Variants in NCR1 observed in about 807,000 individuals in gnomAD.
The protein encoded by NCR1 is natural cytotoxicity triggering receptor 1.
Under a neutral mutation model 32.5 loss-of-function variants are expected in NCR1, and 30 were observed. The ratio of observed to expected loss-of-function variants is 0.92; its 90% confidence interval spans 0.69 to 1.25. NCR1 has a LOEUF of 1.25. Ranked by LOEUF, NCR1 falls within the 50% of genes most tolerant of loss-of-function variation. NCR1 has a pLI of 0.00. For missense variants in NCR1, 369 were observed against 380.7 expected (o/e 0.97, Z 0.26); for synonymous variants, 169 against 143.4 (o/e 1.18, Z -1.28).
At chr19:54,920,328 A>C (rs572662302), downstream of NCR1, among the ~76,000 whole-genome samples, 3 of 152,292 alleles carry the variant, frequency 2.0e-5, no homozygotes, top group South Asian at 6.2e-4. Flanking sequence ...GGGCAGGCTC[A>C]GGCTCATCCA....
At chr19:54,907,865 T>C (rs947847352) in intron 3 of NCR1, among the ~76,000 whole-genome samples, 9 of 152,372 alleles carry the variant, frequency 5.9e-5, no homozygotes, top group African/African-American at 2.2e-4. Context: ...TTCTATATTC[T>C]GTGTCATATA....
downstream of NCR1, among the ~76,000 whole-genome samples, chr19:54,913,974 A>T (rs1464985708): frequency 6.6e-6 from 1 of 151,648 alleles, no homozygotes; most frequent in Non-Finnish European, 1.5e-5. Context: ...AGGCTGAGGC[A>T]GGAGAATAGC....
In NCR1 at chr19:54,912,824, G is replaced by A. The variant is rs771794035; in HGVS notation, c.868G>A (p.Ala290Thr). 34 of 1,613,532 alleles carry A rather than the reference G, an allele frequency of 2.1e-5. 1 individual carries two copies. In the South Asian group the frequency reaches 3.5e-4, roughly 17 times the overall value. ...RKRTRERASR[A>T]STWEGRRRLN... ...GAGGACTAGAGAGCGAGCCAGCAGAGCTTCCACTTGGGAAGGCAGGAGAAG... is the reference window on the plus strand; with the variant it reads ...GAGGACTAGAGAGCGAGCCAGCAGAACTTCCACTTGGGAAGGCAGGAGAAG... Residue 290 changes from alanine (A) to threonine (T), a missense_variant, in exon 7 of 7, where the codon GCT (alanine) becomes ACT (threonine). By Grantham distance (58) the Ala-to-Thr change is moderately conservative. Coordinates refer to ENST00000291890, the MANE Select transcript of NCR1 (RefSeq NM_004829.7).
chr19:54,924,861 T>C, the NCR1 span, among the ~76,000 whole-genome samples: 1 of 152,104 alleles, frequency 6.6e-6, no homozygotes, highest in South Asian at 2.1e-4. Flanking sequence ...GCTTTGAACC[T>C]GGGAGGCAGA....
chr19:54,907,485 C>CT (rs34400827), intron 3 of NCR1, among the ~76,000 whole-genome samples: 2,822 of 137,002 alleles, frequency 0.021, 55 homozygotes, highest in South Asian at 0.068. Flanking sequence ...AAAAAATTAG[C>CT]TTTTTTTTTT....
At chr19:54,934,706 A>T in the NCR1 span, 1 of 1,478,438 alleles carries the variant, frequency 6.8e-7, no homozygotes, top group Non-Finnish European at 9.2e-7. This position sits in a 1 kb window ranked among gnomAD's most constrained non-coding sequence, Gnocchi z 6.7. Flanking sequence ...GACAGAGTAT[A>T]CCCTATCAGC....
At chr19:54,928,271 A>G in the NCR1 span, among the ~76,000 whole-genome samples, 84,372 of 151,972 alleles carry the variant, frequency 0.56, 23,674 homozygotes, top group East Asian at 0.72. Context: ...GTATGGTGGA[A>G]CCACCTATAA....
chr19:54,930,356 G>A, the NCR1 span: 1 of 664,414 alleles, frequency 1.5e-6, no homozygotes, highest in Non-Finnish European at 2.7e-6. Context: ...CAGCTACTCA[G>A]GAGGCTGAGG....
At chr19:54,901,775 C>G (rs2067306605), upstream of NCR1, among the ~76,000 whole-genome samples, 1 of 152,072 alleles carries the variant, frequency 6.6e-6, no homozygotes, top group Admixed American at 6.6e-5. Flanking sequence ...CAAAACCAGC[C>G]TGGCCAACTT....
chr19:54,934,492 A>G, the NCR1 span: 1 of 1,614,138 alleles, frequency 6.2e-7, no homozygotes, highest in Non-Finnish European at 8.5e-7. This position sits in a 1 kb window ranked among gnomAD's most constrained non-coding sequence, Gnocchi z 6.7. Context: ...GACTTACGAC[A>G]ACATCTGCAG....
chr19:54,916,171 G>A (rs1250361946), downstream of NCR1: 3 of 151,872 alleles, frequency 2.0e-5, no homozygotes, highest in East Asian at 1.9e-4. Flanking sequence ...TTCTTTGTTC[G>A]AAACACCAAG....
chr19:54,933,034 A>G, the NCR1 span, among the ~76,000 whole-genome samples: 1 of 152,170 alleles, frequency 6.6e-6, no homozygotes. Flanking sequence ...ACACACACAA[A>G]GCATCAGATC....
the NCR1 span, among the ~76,000 whole-genome samples, chr19:54,931,963 C>G: frequency 6.6e-6 from 1 of 152,050 alleles, no homozygotes; most frequent in Non-Finnish European, 1.5e-5. Flanking sequence ...AGCCCTGGGT[C>G]ACTTATTTTC....
the NCR1 span, among the ~76,000 whole-genome samples, chr19:54,926,308 T>C: frequency 6.6e-6 from 1 of 152,076 alleles, no homozygotes; most frequent in Non-Finnish European, 1.5e-5. Flanking sequence ...GGACTAAGTG[T>C]TTTGGGGGAA....
chr19:54,932,129 TAAC>T, the NCR1 span, among the ~76,000 whole-genome samples: 1 of 152,116 alleles, frequency 6.6e-6, no homozygotes, highest in Non-Finnish European at 1.5e-5. Context: ...ACTGTTTGTT[TAAC>T]AATAGTTATT....
At chr19:54,901,023 G>A in the NCR1 span, among the ~76,000 whole-genome samples, 3 of 150,010 alleles carry the variant, frequency 2.0e-5, no homozygotes, top group Admixed American at 6.7e-5. Context: ...GGTGGCTCAC[G>A]CCTGTAATCC....
chr19:54,915,060 A>G (rs1018153146), downstream of NCR1, among the ~76,000 whole-genome samples: 2 of 151,948 alleles, frequency 1.3e-5, no homozygotes, highest in African/African-American at 2.4e-5. Flanking sequence ...CACTTTCCTC[A>G]TCCCAAAGCA....
chr19:54,919,836 G>T (rs547927446), downstream of NCR1, among the ~76,000 whole-genome samples: 2 of 151,894 alleles, frequency 1.3e-5, no homozygotes, highest in Non-Finnish European at 2.9e-5. Flanking sequence ...AGACGCTGGC[G>T]TCACCGCTAG....
chr19:54,932,678 C>T, the NCR1 span, among the ~76,000 whole-genome samples: 3 of 151,816 alleles, frequency 2.0e-5, no homozygotes, highest in South Asian at 2.1e-4. Context: ...TTTCTTGAGA[C>T]GGAGTCTCAC....
Sources: allele counts gnomAD v4.1 joint callset (sites outside exome capture counted in the v4.1 genomes callset), GRCh38; gene constraint gnomAD v4.1.1; non-coding constraint Gnocchi (gnomAD v3.1); transcripts MANE v1.5; gene names NCBI Gene and HGNC (gene_info 2026-07-23, HGNC 2026-07-21).